NPSR1: variants seen among roughly 807,000 people sequenced by gnomAD.
NPSR1 encodes the protein neuropeptide S receptor.
A neutral mutation model predicts 46.9 loss-of-function variants in NPSR1; 48 were observed. That is an observed-to-expected ratio of 1.02 (90% CI 0.81 to 1.30). The LOEUF is 1.30. NPSR1 is among the 50% of genes most tolerant of loss of function. NPSR1 has a pLI of 0.00. For missense variants in NPSR1, 450 were observed against 449.5 expected (o/e 1.00, Z -0.01); for synonymous variants, 176 against 168.1 (o/e 1.05, Z -0.36).
chr7:34,658,515 G>C lies in NPSR1; in HGVS notation c.103G>C (p.Val35Leu), dbSNP rs1791293776. 1 of 1,614,064 alleles carries C rather than the reference G, an allele frequency of 6.2e-7. No homozygotes were observed. The highest frequency in any genetic ancestry group is 2.2e-5 in the East Asian group (1 of 44,892). Residue 35 changes from valine to leucine, a missense_variant, in exon 1 of 9, where the codon GTG (valine) becomes CTG (leucine). Coordinates refer to ENST00000360581, the MANE Select transcript of NPSR1 (RefSeq NM_207172.2). Reference sequence around the variant, plus strand: ...CACTGAAACAGTGACTTTTACTGAAGTGGTGGAAGGAAAGGAATGGGGTTC... The same window carrying C: ...CACTGAAACAGTGACTTTTACTGAACTGGTGGAAGGAAAGGAATGGGGTTC... ...ACTETVTFTE[V>L]VEGKEWGSFY...
chr7:34,720,815 A>G (rs1390340485), intron 2 of NPSR1, among the ~76,000 whole-genome samples: 1 of 152,194 alleles, frequency 6.6e-6, no homozygotes, highest in Non-Finnish European at 1.5e-5. Flanking sequence ...CAGGGGCAAG[A>G]GTAATTTATT....
chr7:34,706,434 C>T (rs565765974), intron 2 of NPSR1, among the ~76,000 whole-genome samples: 29 of 152,152 alleles, frequency 1.9e-4, no homozygotes, highest in South Asian at 1.5e-3. Context: ...TATTCTTCTA[C>T]GTGGGAAGAA....
chr7:34,744,051 G>A (rs1224277526), intron 2 of NPSR1, among the ~76,000 whole-genome samples: 1 of 152,098 alleles, frequency 6.6e-6, no homozygotes, highest in Non-Finnish European at 1.5e-5. Context: ...TTATTATTAT[G>A]TATTCCATCT....
intron 2 of NPSR1, among the ~76,000 whole-genome samples, chr7:34,706,656 T>C (rs1794128337): frequency 6.6e-6 from 1 of 152,178 alleles, no homozygotes. Flanking sequence ...TATTATCTCG[T>C]CTTTCACCTT....
downstream of NPSR1, among the ~76,000 whole-genome samples, chr7:34,853,606 C>T (rs1009014533): frequency 2.0e-5 from 3 of 152,138 alleles, no homozygotes; most frequent in African/African-American, 7.2e-5. Context: ...ATCAGCTGGT[C>T]TCATGGTTTT....
At chr7:34,690,285 A>C (rs1183725542) in intron 2 of NPSR1, among the ~76,000 whole-genome samples, 1 of 152,204 alleles carries the variant, frequency 6.6e-6, no homozygotes, top group African/African-American at 2.4e-5. Context: ...AAAAATAAGA[A>C]GAGATAGCTT....
intron 2 of NPSR1, chr7:34,750,227 A>G: frequency 3.4e-6 from 2 of 591,920 alleles, no homozygotes; most frequent in East Asian, 6.6e-5. Flanking sequence ...CACAGGGAGG[A>G]AAGGAACAGG....
chr7:34,810,532 C>T (rs1303696397), intron 3 of NPSR1, among the ~76,000 whole-genome samples: 1 of 152,154 alleles, frequency 6.6e-6, no homozygotes, highest in Non-Finnish European at 1.5e-5. Flanking sequence ...AAAAGGGGAG[C>T]TCTCTGATGG....
chr7:34,864,011 G>A (rs923696163), intron 8 of NPSR1, among the ~76,000 whole-genome samples: 8 of 151,918 alleles, frequency 5.3e-5, no homozygotes, highest in Middle Eastern at 3.4e-3. Context: ...AGAAAATGTG[G>A]CACATATACA....
intron 3 of NPSR1, among the ~76,000 whole-genome samples, chr7:34,799,162 G>C (rs1286273381): frequency 6.6e-6 from 1 of 152,124 alleles, no homozygotes; most frequent in African/African-American, 2.4e-5. Context: ...GAGTAAGTAT[G>C]TGAGGTAATG....
chr7:34,704,638 A>G (rs1007494491), intron 2 of NPSR1, among the ~76,000 whole-genome samples: 4 of 152,228 alleles, frequency 2.6e-5, no homozygotes, highest in African/African-American at 9.6e-5. Flanking sequence ...AGAGTTTGGG[A>G]GTCAGCCCAC....
intron 7 of NPSR1, among the ~76,000 whole-genome samples, chr7:34,847,453 T>C (rs1029275986): frequency 1.4e-4 from 22 of 152,148 alleles, no homozygotes; most frequent in African/African-American, 4.8e-4. Context: ...AGGTGATTAC[T>C]GAGGCTGAGA....
intron 2 of NPSR1, among the ~76,000 whole-genome samples, chr7:34,688,038 T>C (rs1419051743): frequency 1.3e-5 from 2 of 152,164 alleles, no homozygotes; most frequent in African/African-American, 4.8e-5. Context: ...CTGGCTTTGA[T>C]AAACATTCCA....
intron 1 of NPSR1, among the ~76,000 whole-genome samples, chr7:34,663,024 G>A (rs1445487190): frequency 2.4e-5 from 3 of 124,266 alleles, no homozygotes; most frequent in African/African-American, 9.8e-5. Context: ...TCCAGGGGCA[G>A]TGCTTCTGTA....
chr7:34,752,520 A>C (rs750637077), intron 2 of NPSR1, among the ~76,000 whole-genome samples: 1 of 152,180 alleles, frequency 6.6e-6, no homozygotes, highest in Non-Finnish European at 1.5e-5. Context: ...GTTACATTCC[A>C]GCCTTCGTAC....
chr7:34,828,411 G>A (rs1789959573), intron 5 of NPSR1, among the ~76,000 whole-genome samples: 1 of 152,230 alleles, frequency 6.6e-6, no homozygotes, highest in African/African-American at 2.4e-5. Flanking sequence ...GAGCTGTAGA[G>A]GGTCTTTCAA....
intron 3 of NPSR1, among the ~76,000 whole-genome samples, chr7:34,806,551 A>G (rs546851349): frequency 6.6e-6 from 1 of 152,248 alleles, no homozygotes; most frequent in African/African-American, 2.4e-5. Context: ...TTTTTAGGAC[A>G]GTGAAACTCT....
chr7:34,658,766 G>A (rs867771954), intron 1 of NPSR1, among the ~76,000 whole-genome samples: 11 of 152,188 alleles, frequency 7.2e-5, no homozygotes, highest in South Asian at 2.1e-4. Context: ...TACAGGTGAC[G>A]TTTTTCTTTC....
At position 34,849,706 on chromosome 7, in the gene NPSR1, C is replaced by T. The variant is rs1413997964; in HGVS notation, c.*51C>T. ...CTGAGCACCATCAGCTCTCCCAGGT[C>T]CTTGTCACCTGCTTGGGCACGTGCA... On this transcript the variant is annotated 3_prime_UTR_variant, in exon 9 of 9. Coordinates refer to ENST00000360581, the MANE Select transcript of NPSR1 (RefSeq NM_207172.2). The T allele has an allele frequency of 1.9e-6, 3 of 1,601,716 alleles. No individual in the cohort carries two copies. Among genetic ancestry groups the T allele is most frequent in the Non-Finnish European group, 2.6e-6 (3 of 1,173,628 alleles).
Sources: gnomAD v4.1 joint callset for allele counts (sites outside exome capture counted in the v4.1 genomes callset) on GRCh38, gnomAD v4.1.1 for gene constraint, MANE v1.5 for transcripts, NCBI Gene and HGNC (gene_info 2026-07-23, HGNC 2026-07-21) for gene names.